Variants in IDO2 observed in about 807,000 individuals in gnomAD.
IDO2 encodes the protein indoleamine 2,3-dioxygenase 2, also known as indoleamine 2,3-dioxygenase-like 1 protein.
IDO2 carries 46 observed loss-of-function variants against 45.1 expected under a neutral mutation model. The ratio of observed to expected loss-of-function variants is 1.02; its 90% CI spans 0.80 to 1.30. IDO2 has a LOEUF of 1.30. Ranked by LOEUF, IDO2 falls within the 50% of genes most tolerant of loss-of-function variation. IDO2 has a pLI of 0.00. For synonymous variants in IDO2, 218 were observed against 184.9 expected (o/e 1.18, Z -1.45); for missense variants, 544 against 491.8 (o/e 1.11, Z -1.00).
chr8:39,960,406 G>T (rs1807974398), intron 2 of IDO2, among the ~76,000 whole-genome samples: 1 of 152,088 alleles, frequency 6.6e-6, no homozygotes, highest in Admixed American at 6.6e-5. Flanking sequence ...TGCTCCTTCT[G>T]CATTCTGTTA....
chr8:39,949,137 C>A lies in IDO2; in HGVS notation c.-17-12C>A, dbSNP rs538447506. ...AGGAACAATTGATTCTTCAGTGACA[C>A]TTTCCATGCAGATACTTCAAACAAA... On this transcript the variant is annotated splice_polypyrimidine_tract_variant and intron_variant, in intron 1 of 10. Coordinates refer to ENST00000502986, the Ensembl canonical transcript of IDO2. 6.9e-6 allele frequency: 11 copies of A among 1,590,002 alleles called. No homozygotes were observed. The South Asian group carries it at 1.1e-4, about 17-fold the overall frequency.
intron 10 of IDO2, among the ~76,000 whole-genome samples, chr8:40,013,932 T>C (rs1802348035): frequency 6.6e-6 from 1 of 152,228 alleles, no homozygotes; most frequent in Non-Finnish European, 1.5e-5. Context: ...TACTTCCAAA[T>C]CTTAAAATGT....
intron 2 of IDO2, among the ~76,000 whole-genome samples, chr8:39,953,172 G>A (rs1347709574): frequency 6.6e-6 from 1 of 152,148 alleles, no homozygotes; most frequent in African/African-American, 2.4e-5. Context: ...GAAGTGCTGG[G>A]ATTACAGGCA....
At chr8:39,975,436 T>G (rs1172213097) in intron 3 of IDO2, among the ~76,000 whole-genome samples, 1 of 152,152 alleles carries the variant, frequency 6.6e-6, no homozygotes, top group African/African-American at 2.4e-5. Context: ...CAAAATCTTG[T>G]AAATTGATTG....
intron 2 of IDO2, among the ~76,000 whole-genome samples, chr8:39,952,173 A>G (rs1413946759): frequency 6.6e-6 from 1 of 152,176 alleles, no homozygotes; most frequent in African/African-American, 2.4e-5. Flanking sequence ...TGCTTCACAG[A>G]TAAGGAGGGA....
In IDO2 at chr8:39,982,715, A is replaced by G. The variant is rs4736794; in HGVS notation, c.379A>G (p.Ile127Val). The G allele has an allele frequency of 0.1, 166,275 of 1,610,022 alleles. 11,305 individuals carry two copies. Among genetic ancestry groups the G allele is most frequent in the East Asian group, 0.32 (14,399 of 44,756 alleles). Reference sequence around the variant, plus strand: ...CTCCAGGAACTTGGGGCTCCCTCCTATCCTGGTCCACTCAGACTTGGTGCT... The same window carrying G: ...CTCCAGGAACTTGGGGCTCCCTCCTGTCCTGGTCCACTCAGACTTGGTGCT... The change falls in exon 5 of 11, where the codon ATC becomes GTC. Residue 127 changes from isoleucine (I) to valine (V), a missense_variant. By Grantham distance (29) the Ile-to-Val change is conservative. Transcript: ENST00000502986.
intron 3 of IDO2, among the ~76,000 whole-genome samples, chr8:39,968,580 T>C (rs1325814597): frequency 1.3e-5 from 2 of 151,984 alleles, no homozygotes; most frequent in Non-Finnish European, 2.9e-5. Flanking sequence ...TAAATAAAAC[T>C]AACTGGACTC....
chr8:39,989,634 C>A, intron 7 of IDO2, 87 bp from the exon 8 acceptor site: 1 of 909,282 alleles, frequency 1.1e-6, no homozygotes, highest in Non-Finnish European at 1.7e-6. Context: ...CCGGTCCTCC[C>A]CTGGGTTCCA....
At chr8:40,014,595 T>C (rs1802358650) in intron 10 of IDO2, among the ~76,000 whole-genome samples, 1 of 152,176 alleles carries the variant, frequency 6.6e-6, no homozygotes, top group Non-Finnish European at 1.5e-5. Context: ...AGGGTTTGTG[T>C]TCTACATTTG....
chr8:39,968,627 G>A (rs960697831), intron 3 of IDO2, among the ~76,000 whole-genome samples: 1 of 151,866 alleles, frequency 6.6e-6, no homozygotes, highest in Non-Finnish European at 1.5e-5. Context: ...ACCAAACACC[G>A]CATGTTCTTA....
intron 8 of IDO2, among the ~76,000 whole-genome samples, chr8:39,991,564 T>C (rs1026874249): frequency 7.2e-4 from 84 of 116,556 alleles, no homozygotes; most frequent in African/African-American, 2.4e-3. Context: ...CAGACTCACT[T>C]CTTTTTTTTT....
chr8:39,963,515 T>A, intron 2 of IDO2, 93 bp from the exon 3 acceptor site: 2 of 704,592 alleles, frequency 2.8e-6, no homozygotes, highest in Non-Finnish European at 4.8e-6. Context: ...TTGACTTGAA[T>A]TCCCCTGAAG....
chr8:39,965,987 C>T (rs913107461), intron 3 of IDO2, among the ~76,000 whole-genome samples: 2 of 150,682 alleles, frequency 1.3e-5, no homozygotes, highest in African/African-American at 2.4e-5. Context: ...GTTATGGCAG[C>T]GCATAAAACT....
intron 4 of IDO2, among the ~76,000 whole-genome samples, chr8:39,980,115 C>T (rs960079954): frequency 1.3e-5 from 2 of 152,174 alleles, no homozygotes; most frequent in South Asian, 2.1e-4. Flanking sequence ...GCCACCATGC[C>T]GGGCCTGAAG....
chr8:39,971,930 T>C (rs1808185738), intron 3 of IDO2, among the ~76,000 whole-genome samples: 2 of 152,086 alleles, frequency 1.3e-5, no homozygotes, highest in South Asian at 4.1e-4. Context: ...TGCCTCAGCC[T>C]CCCGAGTTCC....
rs775148776 is a variant in IDO2, at chr8:39,963,719, C to T, written c.195+16C>T. On this transcript the variant is annotated intron_variant, in intron 3 of 10. Coordinates refer to ENST00000502986, the Ensembl canonical transcript of IDO2. The stretch of plus-strand genomic sequence containing the variant: ...TGTGGACAAGGTATTCTTCTCTTCA[C>T]CCCCTCATCACATTCTGTTTTCATC... The T allele has an allele frequency of 2.8e-6, 4 of 1,441,794 alleles. No homozygotes were observed. Among genetic ancestry groups the T allele is most frequent in the Non-Finnish European group, 3.9e-6 (4 of 1,031,874 alleles). The allele number at this position is 1,441,794 out of a possible 1,614,324, so 89.3% of individuals were successfully genotyped here.
chr8:39,983,119 A>G (rs1808377564), intron 5 of IDO2, among the ~76,000 whole-genome samples: 1 of 152,212 alleles, frequency 6.6e-6, no homozygotes, highest in South Asian at 2.1e-4. Flanking sequence ...GTTGGCTTTG[A>G]TAAGTAATCA....
chr8:40,006,687 T>A (rs554893407), intron 9 of IDO2, among the ~76,000 whole-genome samples: 23 of 151,966 alleles, frequency 1.5e-4, no homozygotes, highest in Non-Finnish European at 2.9e-4. Flanking sequence ...TGAGACAGAG[T>A]CTTGCTCTTT....
exon 2 of IDO2, chr8:39,949,187 G>A: frequency 1.2e-6 from 2 of 1,608,558 alleles, no homozygotes; most frequent in Admixed American, 1.7e-5. Context: ...CAGACCGAAT[G>A]TGAAGACAGC....
Sources: gnomAD v4.1 joint callset for allele counts (sites outside exome capture counted in the v4.1 genomes callset) on GRCh38, gnomAD v4.1.1 for gene constraint, MANE v1.5 for transcripts, NCBI Gene and HGNC (gene_info 2026-07-23, HGNC 2026-07-21) for gene names.